The following DVL2 variants were observed in gnomAD, a reference collection of about 807,000 sequenced individuals.
DVL2 encodes segment polarity protein dishevelled homolog DVL-2.
In DVL2, 38 loss-of-function variants were observed where a neutral mutation model predicts 69.8. That is an observed-to-expected ratio of 0.54 (90% confidence interval 0.42 to 0.71). The LOEUF (loss-of-function observed/expected upper bound fraction) is 0.71. Among genes scored for constraint, DVL2 ranks in the 30% least tolerant of loss-of-function variants. DVL2 has a pLI of 0.00. For missense variants in DVL2, 931 were observed against 1,008.1 expected, an observed-to-expected ratio of 0.92 and a Z score of 1.04; for synonymous variants, 428 against 392.4, an observed-to-expected ratio of 1.09 and a Z score of -1.07.
intron 9 of DVL2, chr17:7,228,266 G>A (rs867809902): frequency 6.5e-5 from 30 of 465,100 alleles, no homozygotes; most frequent in Non-Finnish European, 8.6e-5. Context: ...GAGAGTACAC[G>A]CTGTACAGTT....
At position 7,226,460 on chromosome 17, in the gene DVL2, T is replaced by C. The variant is rs1421485874; in HGVS notation, c.1723A>G (p.Thr575Ala). 1.9e-6 allele frequency: 3 copies of C among 1,555,078 alleles called. No individual in the cohort carries two copies. The highest frequency in any genetic ancestry group is 2.6e-6 in the Non-Finnish European group (3 of 1,151,822). The change falls in exon 14 of 15, where the codon ACC (threonine) becomes GCC (alanine). Residue 575 changes from threonine (T) to alanine (A), a missense_variant. By Grantham distance (58) the Thr-to-Ala change is moderately conservative (BLOSUM62 0). Coordinates refer to ENST00000005340, the MANE Select transcript of DVL2 (RefSeq NM_004422.3). ...CTGCTGGCACTGCCCCCACCATAGG[T>C]GTAAGATGAAAGCTCATGGTAGGGT... ...PPPYHELSSY[T>A]YGGGSASSQH...
At chr17:7,228,119 A>G in intron 9 of DVL2, 75 bp from the exon 10 acceptor site, 2 of 1,251,526 alleles carry the variant, frequency 1.6e-6, no homozygotes, top group East Asian at 2.3e-5. Flanking sequence ...TGAAGCAAGG[A>G]TGGATTAAGA....
rs1268703085 is a variant in DVL2, at chr17:7,227,679, T to G, written c.1207A>C (p.Thr403Pro). Reference sequence around the variant, plus strand: ...CCATCAGGCAAAGACGATCCAGATGTAATGGTGCTCATGGAGGAGGAACCT... The same window carrying G: ...CCATCAGGCAAAGACGATCCAGATGGAATGGTGCTCATGGAGGAGGAACCT... Reference protein sequence around the residue: ...YPGSSSMSTITSGSSLPDGCE... With the variant: ...YPGSSSMSTIPSGSSLPDGCE... The change falls in exon 11 of 15, where the codon ACA (threonine) becomes CCA (proline). Residue 403 changes from threonine (T) to proline (P), a missense_variant. By Grantham distance (38) the Thr-to-Pro change is conservative (BLOSUM62 -1). Around this residue, in one of 3 missense-constraint regions of DVL2, gnomAD observed 555 missense variants for 588.8 expected, o/e 0.94. Coordinates refer to ENST00000005340, the MANE Select transcript of DVL2 (RefSeq NM_004422.3). 2 of 1,613,910 alleles carry G rather than the reference T, an allele frequency of 1.2e-6. No homozygotes were observed. Among genetic ancestry groups the G allele is most frequent in the Admixed American group, 1.7e-5 (1 of 59,968 alleles).
chr17:7,228,317 AGTGTT>A (rs1314513633), intron 9 of DVL2: 1 of 298,984 alleles, frequency 3.3e-6, no homozygotes, highest in Non-Finnish European at 6.3e-6. Context: ...ACGAAACTGC[AGTGTT>A]CAAGGATACG....
At chr17:7,226,836 G>A (rs1054231158) in intron 13 of DVL2, 197 bp from the exon 14 acceptor site, 4 of 626,054 alleles carry the variant, frequency 6.4e-6, no homozygotes, top group African/African-American at 1.8e-5. Flanking sequence ...ACTAGCCCAC[G>A]TCTTTGCGGG....
In DVL2 at chr17:7,227,688, T is replaced by C; in HGVS notation, c.1198A>G (p.Ser400Gly). Reference protein sequence around the residue: ...FPAYPGSSSMSTITSGSSLPD... With the variant: ...FPAYPGSSSMGTITSGSSLPD... ...AAAGACGATCCAGATGTAATGGTGCTCATGGAGGAGGAACCTGGATAGGCT... is the reference window on the plus strand; with the variant it reads ...AAAGACGATCCAGATGTAATGGTGCCCATGGAGGAGGAACCTGGATAGGCT... Residue 400 changes from serine to glycine, a missense_variant, in exon 11 of 15, where the codon AGC becomes GGC. By Grantham distance (56) the Ser-to-Gly change is moderately conservative (BLOSUM62 0). Transcript: ENST00000005340. 1 of 1,613,790 alleles carries C rather than the reference T, an allele frequency of 6.2e-7. No homozygotes were observed. The highest frequency in any genetic ancestry group is 8.5e-7 in the Non-Finnish European group (1 of 1,179,864).
At chr17:7,230,507 G>C (rs1054154032) in intron 2 of DVL2, 77 bp from the exon 3 acceptor site, 1 of 1,577,898 alleles carries the variant, frequency 6.3e-7, no homozygotes. Context: ...GAAAGAATGA[G>C]AAAGGGTCTC....
intron 1 of DVL2, among the ~76,000 whole-genome samples, chr17:7,231,481 C>T (rs553026615): frequency 1.4e-5 from 2 of 145,750 alleles, no homozygotes; most frequent in African/African-American, 5.1e-5. Context: ...CCAAAAAAGG[C>T]TTTGGTCCTC....
chr17:7,232,855 T>C (rs2071562854), intron 1 of DVL2, among the ~76,000 whole-genome samples: 3 of 152,192 alleles, frequency 2.0e-5, no homozygotes, highest in South Asian at 2.1e-4. Context: ...TTTGGGAGGC[T>C]GAGGCGGGCG....
Position 7,230,148 on chromosome 17 carries a change from CATT to C in DVL2, c.415_417del (p.Asn139del). The C allele has an allele frequency of 6.2e-7, 1 of 1,614,026 alleles. No homozygotes were observed. The highest frequency in any genetic ancestry group is 8.5e-7 in the Non-Finnish European group (1 of 1,179,936). ...TCCAGATTCTCATGGCTGCTGGACA[CATT>C]AGGGCTGGACAGGCAGAGATGGTTT... On this transcript the variant is annotated inframe_deletion, in exon 4 of 15. Coordinates refer to ENST00000005340, the MANE Select transcript of DVL2 (RefSeq NM_004422.3).
Position 7,225,510 on chromosome 17 carries a change from TG to T in DVL2, c.*354del, listed in dbSNP as rs2071428454. The T allele has an allele frequency of 2.4e-6, 1 of 410,872 alleles. No individual in the cohort carries two copies. The highest frequency in any genetic ancestry group is 4.4e-6 in the Non-Finnish European group (1 of 224,940). The allele number at this position is 410,872 out of a possible 1,614,324, so 25.5% of individuals were successfully genotyped here. On this transcript the variant is annotated 3_prime_UTR_variant, in exon 15 of 15. Coordinates refer to ENST00000005340, the MANE Select transcript of DVL2 (RefSeq NM_004422.3). ...CCCAACCCTGCAAAGGGCAGGGCTG[TG>T]GGTAACTGGAGGAGGAGGTCACATT...
chr17:7,227,036 G>A (rs1169633023), intron 13 of DVL2, 54 bp downstream of exon 13: 2 of 1,540,780 alleles, frequency 1.3e-6, no homozygotes, highest in East Asian at 2.3e-5. Context: ...GGGTTGGAGA[G>A]GCAGAACAAG....
At position 7,229,240 on chromosome 17, in the gene DVL2, G is replaced by C; in HGVS notation, c.852C>G (p.Gly284=). The C allele has an allele frequency of 6.2e-7, 1 of 1,614,176 alleles. No individual in the cohort carries two copies. Among genetic ancestry groups the C allele is most frequent in the Non-Finnish European group, 8.5e-7 (1 of 1,180,030 alleles). Reference sequence around the variant, plus strand: ...CTCCGTCTCCCCGCTCATTGCTCTGGCCAACAATGGAGATACCCAGGAAGT... The same window carrying C: ...CTCCGTCTCCCCGCTCATTGCTCTGCCCAACAATGGAGATACCCAGGAAGT... The part of the protein sequence containing the change: ...KYNFLGISIV[G]QSNERGDGGI... The change falls in exon 8 of 15, where the codon GGC becomes GGG. Residue 284 remains glycine (G), a synonymous_variant. Transcript: ENST00000005340. This position sits in a 1 kb window ranked among gnomAD's most constrained non-coding sequence, Gnocchi z 4.4.
Position 7,226,193 on chromosome 17 carries a change from C to T in DVL2, c.1883G>A (p.Gly628Glu). Residue 628 changes from glycine (G) to glutamate (E), a missense_variant, in exon 15 of 15, where the codon GGG becomes GAG. Gly to Glu is a moderately conservative substitution (Grantham distance 98, BLOSUM62 -2). Around this residue, in one of 3 missense-constraint regions of DVL2, gnomAD observed 314 missense variants for 313.7 expected, o/e 1.00. Coordinates refer to ENST00000005340, the MANE Select transcript of DVL2 (RefSeq NM_004422.3). ...SGSESEPSSRGGSLRRGGEAS... is the reference protein window; with the variant it reads ...SGSESEPSSREGSLRRGGEAS... ...TTCCCCACCCCGCCGAAGGCTGCCC[C>T]CTCGGCTGGAGGGCTCAGACTCACT... 6.2e-7 allele frequency: 1 copy of T among 1,612,434 alleles called. No homozygotes were observed. The highest frequency in any genetic ancestry group is 8.5e-7 in the Non-Finnish European group (1 of 1,179,674).
intron 13 of DVL2, 174 bp from the exon 14 acceptor site, chr17:7,226,813 C>T: frequency 1.5e-6 from 1 of 646,228 alleles, no homozygotes; most frequent in South Asian, 2.1e-5. Flanking sequence ...GCCATGAGGG[C>T]AGGGGCACAG....
chr17:7,229,191 T>C lies in DVL2; in HGVS notation c.901A>G (p.Lys301Glu). Residue 301 changes from lysine to glutamate, a missense_variant, in exon 8 of 15, where the codon AAG (lysine) becomes GAG (glutamate). Physicochemically the swap from Lys to Glu is moderately conservative, Grantham distance 56. This residue lies in a region of DVL2 where 555 missense variants were observed against 588.8 expected (regional missense o/e 0.94). Transcript: ENST00000005340. The surrounding 1 kb of genome is among the most constrained non-coding windows in gnomAD (Gnocchi z 4.4). The stretch of plus-strand genomic sequence containing the variant: ...CCGTCGGCCGCCACAGCCCCACCCT[T>C]CATGATGGAGCCAATGTAGATGCCT... ...DGGIYIGSIMKGGAVAADGRI... is the reference protein window; with the variant it reads ...DGGIYIGSIMEGGAVAADGRI... The C allele has an allele frequency of 6.2e-7, 1 of 1,614,178 alleles. No homozygotes were observed. Among genetic ancestry groups the C allele is most frequent in the Non-Finnish European group, 8.5e-7 (1 of 1,180,020 alleles).
chr17:7,228,381 T>C, intron 9 of DVL2: 1 of 197,474 alleles, frequency 5.1e-6, no homozygotes, highest in Non-Finnish European at 1.0e-5. Flanking sequence ...TTTGTTATGG[T>C]GATGGCCAAA....
At chr17:7,226,981 C>G in intron 13 of DVL2, 109 bp downstream of exon 13, 6 of 1,138,996 alleles carry the variant, frequency 5.3e-6, no homozygotes, top group Admixed American at 2.2e-5. Flanking sequence ...ACACACTGCT[C>G]GACCATCCAT....
At chr17:7,231,544 G>A (rs1011026087) in intron 1 of DVL2, among the ~76,000 whole-genome samples, 4 of 149,090 alleles carry the variant, frequency 2.7e-5, no homozygotes, top group African/African-American at 9.9e-5. Flanking sequence ...TTCATTTCTA[G>A]AAGACTGTCC....
Sources: allele counts gnomAD v4.1 joint callset (sites outside exome capture counted in the v4.1 genomes callset), GRCh38; gene constraint gnomAD v4.1.1; regional missense constraint gnomAD v4.1.1; non-coding constraint Gnocchi (gnomAD v3.1); transcripts MANE v1.5; gene names NCBI Gene and HGNC (gene_info 2026-07-23, HGNC 2026-07-21).